TTC21A: variants seen among roughly 807,000 people sequenced by gnomAD.
The protein encoded by TTC21A is tetratricopeptide repeat protein 21A.
TTC21A carries 128 observed loss-of-function variants against 156.4 expected under a neutral mutation model. The observed-to-expected ratio is 0.82, with a 90% confidence interval of 0.71 to 0.95. The LOEUF (loss-of-function observed/expected upper bound fraction) is 0.95, where lower values mean the gene tolerates loss of function less well. TTC21A is among the 40% of genes least tolerant of loss of function. The pLI, the probability that TTC21A is intolerant of heterozygous loss-of-function variation, is 0.00. For missense variants in TTC21A, 1,435 were observed against 1,602.3 expected (o/e 0.90, Z 1.78); for synonymous variants, 587 against 617.1 (o/e 0.95, Z 0.72).
At position 39,131,086 on chromosome 3, in the gene TTC21A, T is replaced by G. The variant is rs199676921; in HGVS notation, c.2553T>G (p.Thr851=). Reference sequence around the variant, plus strand: ...ATAAAAAAGAAGCTGTGATAGAAACTTTGAACAAGGTAATTGACAGGTGGA... The same window carrying G: ...ATAAAAAAGAAGCTGTGATAGAAACGTTGAACAAGGTAATTGACAGGTGGA... ...KSHKKEAVIE[T]LNKALDLQSR... Residue 851 remains threonine (T), a synonymous_variant, in exon 19 of 29, where the codon ACT becomes ACG. Coordinates refer to ENST00000683103, the MANE Select transcript of TTC21A (RefSeq NM_001366900.1). 13 of 1,608,208 alleles carry G rather than the reference T, an allele frequency of 8.1e-6. No homozygotes were observed. The highest frequency in any genetic ancestry group is 6.7e-5 in the East Asian group (3 of 44,890).
intron 23 of TTC21A, 42 bp from the exon 24 acceptor site, chr3:39,136,857 C>T (rs774631155): frequency 6.2e-7 from 1 of 1,608,804 alleles, no homozygotes; most frequent in Non-Finnish European, 8.5e-7. Context: ...CTGTCTGGGC[C>T]TCAGTTTCCC....
chr3:39,126,543 G>A (rs550201107), intron 12 of TTC21A, among the ~76,000 whole-genome samples, 153 bp downstream of exon 12: 1,068 of 94,682 alleles, frequency 0.011, 4 homozygotes, highest in South Asian at 0.044. Flanking sequence ...GGGGTACTAC[G>A]CACACACACA....
Position 39,136,943 on chromosome 3 carries a change from C to T in TTC21A, c.3140C>T (p.Ala1047Val), listed in dbSNP as rs755532869. 34 of 1,614,144 alleles carry T rather than the reference C, an allele frequency of 2.1e-5. No homozygotes were observed. Among genetic ancestry groups the T allele is most frequent in the Non-Finnish European group, 2.5e-5 (30 of 1,180,056 alleles). Residue 1047 changes from alanine to valine, a missense_variant, in exon 24 of 29, where the codon GCA becomes GTA. Ala to Val is a moderately conservative substitution (Grantham distance 64). Transcript: ENST00000683103. The stretch of plus-strand genomic sequence containing the variant: ...GAAGCCTTAAAGTTCCTGAACAAGG[C>T]ACGCAAGGACAGCACTTGGGGCCAG... ...PNEALKFLNK[A>V]RKDSTWGQSA...
chr3:39,113,655 G>A (rs1041970803), intron 5 of TTC21A, among the ~76,000 whole-genome samples: 3 of 152,194 alleles, frequency 2.0e-5, no homozygotes, highest in African/African-American at 4.8e-5. Context: ...GGTCTATAAC[G>A]TAGTTTTCAC....
At chr3:39,114,776 G>A (rs1177061888) in intron 6 of TTC21A, 34 bp downstream of exon 6, 9 of 1,612,938 alleles carry the variant, frequency 5.6e-6, no homozygotes, top group African/African-American at 1.3e-5. Flanking sequence ...GCCAAGGGTG[G>A]TAACAGGTAT....
At position 39,136,921 on chromosome 3, in the gene TTC21A, G is replaced by C; in HGVS notation, c.3118G>C (p.Ala1040Pro). The C allele has an allele frequency of 6.2e-7, 1 of 1,614,196 alleles. No individual in the cohort carries two copies. The highest frequency in any genetic ancestry group is 8.5e-7 in the Non-Finnish European group (1 of 1,180,044). Residue 1040 changes from alanine (A) to proline (P), a missense_variant, in exon 24 of 29, where the codon GCC becomes CCC. By Grantham distance (27) the Ala-to-Pro change is conservative (BLOSUM62 -1). Coordinates refer to ENST00000683103, the MANE Select transcript of TTC21A (RefSeq NM_001366900.1). Reference sequence around the variant, plus strand: ...CAGGCACATAGGGCAGCCCAACGAAGCCTTAAAGTTCCTGAACAAGGCACG... The same window carrying C: ...CAGGCACATAGGGCAGCCCAACGAACCCTTAAAGTTCCTGAACAAGGCACG... The part of the protein sequence containing the change: ...YCWHIGQPNE[A>P]LKFLNKARKD...
chr3:39,131,229 C>A, intron 19 of TTC21A, 134 bp downstream of exon 19: 1 of 636,640 alleles, frequency 1.6e-6, no homozygotes, highest in Non-Finnish European at 2.7e-6. Flanking sequence ...ACACCTCTGA[C>A]ATCCACCTTC....
intron 7 of TTC21A, chr3:39,118,385 G>T: frequency 1.7e-6 from 1 of 579,108 alleles, no homozygotes; most frequent in East Asian, 2.8e-5. Context: ...TCTAGGCTCT[G>T]CCATGTGCTA....
At chr3:39,111,045 G>A (rs1286384810) in intron 4 of TTC21A, 28 bp downstream of exon 4, 3 of 1,576,764 alleles carry the variant, frequency 1.9e-6, no homozygotes, top group African/African-American at 2.7e-5. Flanking sequence ...GGGACAACAG[G>A]CGAAGAAAGC....
rs111909703 is a variant in TTC21A, at chr3:39,124,658, C to CAAGAAAAAAAAAAAAA, written c.1094-403_1094-402insGAAAAAAAAAAAAAAA. On this transcript the variant is annotated intron_variant, in intron 9 of 28. Coordinates refer to ENST00000683103, the MANE Select transcript of TTC21A (RefSeq NM_001366900.1). Reference sequence around the variant, plus strand: ...TGGGCAAAAGAGCGAAACTCCGTCTCAAAAAAAAAAAAAAAGCAGATTGTA... The same window carrying CAAGAAAAAAAAAAAAA: ...TGGGCAAAAGAGCGAAACTCCGTCTCAAGAAAAAAAAAAAAAAAAAAAAAAAAAAAAGCAGATTGTA... Among the ~76,000 whole-genome samples, 7 of 71,074 alleles carry CAAGAAAAAAAAAAAAA rather than the reference C, an allele frequency of 9.8e-5. 1 individual carries two copies. In the East Asian group the frequency reaches 3.8e-3, roughly 39 times the overall value. 46.6% of individuals were successfully genotyped at this position (71,074 alleles called of 152,430 possible).
chr3:39,138,237 T>C (rs375705441), intron 26 of TTC21A, 30 bp from the exon 27 acceptor site: 1 of 1,613,658 alleles, frequency 6.2e-7, no homozygotes, highest in Non-Finnish European at 8.5e-7. Flanking sequence ...GCTTCCGCTC[T>C]GCAGAGGCTC....
In TTC21A at chr3:39,138,570, T is replaced by C; in HGVS notation, c.3811T>C (p.Phe1271Leu). 1 of 1,614,188 alleles carries C rather than the reference T, an allele frequency of 6.2e-7. No homozygotes were observed. The highest frequency in any genetic ancestry group is 8.5e-7 in the Non-Finnish European group (1 of 1,180,040). Reference sequence around the variant, plus strand: ...GTCCCCGGTAGGCTTCAAACTTGCTTTCAACTACCTGAAGGACAAGAAATT... The same window carrying C: ...GTCCCCGGTAGGCTTCAAACTTGCTCTCAACTACCTGAAGGACAAGAAATT... ...ANPAIGFKLA[F>L]NYLKDKKFVE... Residue 1271 changes from phenylalanine to leucine, a missense_variant, in exon 28 of 29, where the codon TTC becomes CTC. Physicochemically the swap from Phe to Leu is conservative, Grantham distance 22. Transcript: ENST00000683103.
chr3:39,138,279 G>A lies in TTC21A; in HGVS notation c.3688G>A (p.Ala1230Thr), dbSNP rs766209030. The A allele has an allele frequency of 6.2e-7, 1 of 1,614,140 alleles. No homozygotes were observed. The highest frequency in any genetic ancestry group is 1.7e-5 in the Admixed American group (1 of 60,014). The change falls in exon 27 of 29, where the codon GCC becomes ACC. Residue 1230 changes from alanine (A) to threonine (T), a missense_variant. Coordinates refer to ENST00000683103, the MANE Select transcript of TTC21A (RefSeq NM_001366900.1). Reference protein sequence around the residue: ...CVQYNKSCYKAYEYMGFIMEK... With the variant: ...CVQYNKSCYKTYEYMGFIMEK... ...GCTTTCCCTGCAGTCCTGCTACAAGGCCTATGAGTACATGGGCTTCATCAT... is the reference window on the plus strand; with the variant it reads ...GCTTTCCCTGCAGTCCTGCTACAAGACCTATGAGTACATGGGCTTCATCAT...
chr3:39,118,047 G>A (rs768309485), intron 6 of TTC21A, 22 bp from the exon 7 acceptor site: 2 of 1,571,406 alleles, frequency 1.3e-6, no homozygotes, highest in Non-Finnish European at 1.8e-6. Flanking sequence ...CTCAATTCAT[G>A]TGCCTCCTCT....
rs188468178 is a variant in TTC21A, at chr3:39,137,296, G to A, written c.3359G>A (p.Arg1120Gln). The part of the protein sequence containing the change: ...PHSDSSQTQL[R>Q]LLQGLCRLAT... ...TCAGACTCCAGCCAGACCCAGCTGC[G>A]GCTGCTGCAGGGCCTCTGCCGGCTG... The change falls in exon 25 of 29, where the codon CGG (arginine) becomes CAG (glutamine). Residue 1120 changes from arginine to glutamine, a missense_variant. Transcript: ENST00000683103. The A allele has an allele frequency of 9.9e-6, 16 of 1,614,142 alleles. No homozygotes were observed. In the East Asian group the frequency reaches 2.7e-4, roughly 27 times the overall value.
At position 39,115,666 on chromosome 3, in the gene TTC21A, C is replaced by T. The variant is rs147002187; in HGVS notation, c.716+924C>T. Among the ~76,000 whole-genome samples, 130 of 151,518 alleles carry T rather than the reference C, an allele frequency of 8.6e-4. 1 individual carries two copies. The East Asian group carries it at 0.02, about 23-fold the overall frequency. On this transcript the variant is annotated intron_variant, in intron 6 of 28. Coordinates refer to ENST00000683103, the MANE Select transcript of TTC21A (RefSeq NM_001366900.1). ...TGGGTGACAGAATGAGACCCTGTCT[C>T]GAAAAAAATAAATAAATAAAACAAA...
chr3:39,138,158 C>G (rs760009185), intron 26 of TTC21A, 109 bp from the exon 27 acceptor site: 12 of 1,534,166 alleles, frequency 7.8e-6, no homozygotes. Flanking sequence ...TTTATGGCAG[C>G]TCACTTCTGT....
At chr3:39,117,223 G>T (rs1370702007) in intron 6 of TTC21A, among the ~76,000 whole-genome samples, 1 of 152,208 alleles carries the variant, frequency 6.6e-6, no homozygotes, top group African/African-American at 2.4e-5. Flanking sequence ...GTATGTTGCA[G>T]TTTTTGTTAA....
chr3:39,137,474 C>G lies in TTC21A; in HGVS notation c.3451-12C>G. The G allele has an allele frequency of 6.2e-7, 1 of 1,613,908 alleles. No individual in the cohort carries two copies. Among genetic ancestry groups the G allele is most frequent in the Non-Finnish European group, 8.5e-7 (1 of 1,179,774 alleles). ...AACACGTGCTGACGTCCACTTCCTACCTGGTGTGTAGAAGGACAGCGTCCC... is the reference window on the plus strand; with the variant it reads ...AACACGTGCTGACGTCCACTTCCTAGCTGGTGTGTAGAAGGACAGCGTCCC... On this transcript the variant is annotated splice_polypyrimidine_tract_variant and intron_variant, in intron 25 of 28. Coordinates refer to ENST00000683103, the MANE Select transcript of TTC21A (RefSeq NM_001366900.1).
Sources: allele counts gnomAD v4.1 joint callset (sites outside exome capture counted in the v4.1 genomes callset), GRCh38; gene constraint gnomAD v4.1.1; transcripts MANE v1.5; gene names NCBI Gene and HGNC (gene_info 2026-07-23, HGNC 2026-07-21).